Variants in REEP5 observed in about 807,000 individuals in gnomAD.
REEP5 encodes the protein receptor accessory protein 5, also known as receptor expression-enhancing protein 5.
Under a neutral mutation model 22.4 loss-of-function variants are expected in REEP5, and 24 were observed. The ratio of observed to expected loss-of-function variants is 1.07; its 90% CI spans 0.78 to 1.51. REEP5 has a LOEUF of 1.51. Ranked by LOEUF, REEP5 falls within the 40% of genes most tolerant of loss-of-function variation. The pLI is 0.00. For synonymous variants in REEP5, 103 were observed against 88.6 expected (o/e 1.16, Z -0.92); for missense variants, 252 against 233.0 (o/e 1.08, Z -0.53).
At chr5:112,918,142 C>T (rs137908603) in intron 2 of REEP5, among the ~76,000 whole-genome samples, 186 of 152,096 alleles carry the variant, frequency 1.2e-3, no homozygotes, top group Middle Eastern at 3.4e-3. Flanking sequence ...AATTAGATTC[C>T]GAATTGCCTA....
In REEP5 at chr5:112,899,437, A is replaced by G. The variant is rs1239651709; in HGVS notation, c.351+2943T>C. Among the ~76,000 whole-genome samples the G allele has an allele frequency of 2.6e-5, 4 of 152,242 alleles. No homozygotes were observed. In the East Asian group the frequency reaches 7.7e-4, roughly 29 times the overall value. ...TGGGATTACAGGCAAAAGCTAGCAC[A>G]ACTGTCCTGTATAACTTTTCATAAT... On this transcript the variant is annotated intron_variant, in intron 3 of 4. Transcript: ENST00000379638.
At chr5:112,892,694 A>G (rs765973441) in intron 3 of REEP5, 2 of 1,613,978 alleles carry the variant, frequency 1.2e-6, no homozygotes, top group Non-Finnish European at 1.7e-6. Context: ...AGAGACATCT[A>G]CTTGTCTTCA....
chr5:112,881,004 C>G (rs1291527042), intron 4 of REEP5, among the ~76,000 whole-genome samples: 1 of 151,942 alleles, frequency 6.6e-6, no homozygotes, highest in African/African-American at 2.4e-5. Flanking sequence ...TGGCCCACAC[C>G]TGTAATCACA....
At chr5:112,891,958 G>C (rs755182345) in intron 3 of REEP5, 10 of 1,237,544 alleles carry the variant, frequency 8.1e-6, no homozygotes, top group South Asian at 2.4e-5. Flanking sequence ...ATGGCTAGAA[G>C]AACAAGAGAG....
At chr5:112,892,445 C>T in intron 3 of REEP5, 1 of 1,614,118 alleles carries the variant, frequency 6.2e-7, no homozygotes, top group Non-Finnish European at 8.5e-7. Flanking sequence ...AATTTGGAAC[C>T]TCACCTGAGG....
chr5:112,883,452 C>T (rs1475641225), intron 4 of REEP5, among the ~76,000 whole-genome samples: 2 of 152,200 alleles, frequency 1.3e-5, no homozygotes, highest in African/African-American at 4.8e-5. Flanking sequence ...AGGGATACCA[C>T]ACGCTCATGG....
chr5:112,908,015 T>G (rs961984912), intron 2 of REEP5, among the ~76,000 whole-genome samples: 45 of 152,018 alleles, frequency 3.0e-4, no homozygotes, highest in African/African-American at 1.0e-3. Context: ...CCAATGAGTA[T>G]GTACTAAAAT....
At chr5:112,892,350 C>G in intron 3 of REEP5, 1 of 1,614,112 alleles carries the variant, frequency 6.2e-7, no homozygotes, top group Non-Finnish European at 8.5e-7. Context: ...AGGAAGAAAC[C>G]TACCAACAGT....
intron 3 of REEP5, among the ~76,000 whole-genome samples, chr5:112,901,795 T>C (rs1198948019): frequency 6.7e-6 from 1 of 149,806 alleles, no homozygotes; most frequent in Non-Finnish European, 1.5e-5. Flanking sequence ...CAACCCTGTC[T>C]CTACTAAAAA....
chr5:112,900,032 A>G (rs1447931296), intron 3 of REEP5, among the ~76,000 whole-genome samples: 1 of 152,198 alleles, frequency 6.6e-6, no homozygotes, highest in African/African-American at 2.4e-5. Flanking sequence ...CACCAATACC[A>G]GATATTTTCA....
intron 4 of REEP5, among the ~76,000 whole-genome samples, chr5:112,881,073 G>T (rs1438367855): frequency 7.1e-6 from 1 of 141,764 alleles, no homozygotes; most frequent in African/African-American, 2.7e-5. Flanking sequence ...AGGCTGCAGT[G>T]AGCTGAGATC....
chr5:112,909,993 G>A (rs958956398), intron 2 of REEP5, among the ~76,000 whole-genome samples: 1 of 152,126 alleles, frequency 6.6e-6, no homozygotes, highest in Non-Finnish European at 1.5e-5. Flanking sequence ...GTCAATGTAT[G>A]TTCACCAATT....
chr5:112,883,544 A>C (rs555396457), intron 4 of REEP5, among the ~76,000 whole-genome samples: 3 of 151,518 alleles, frequency 2.0e-5, no homozygotes, highest in African/African-American at 7.3e-5. Context: ...TAAACCTTAG[A>C]CTCCCCAGCG....
intron 2 of REEP5, among the ~76,000 whole-genome samples, chr5:112,915,513 T>A (rs1017598282): frequency 6.6e-6 from 1 of 152,208 alleles, no homozygotes; most frequent in Non-Finnish European, 1.5e-5. Flanking sequence ...AGCAGTAATG[T>A]TAAGTGAAAC....
chr5:112,884,612 T>C (rs1264683489), intron 4 of REEP5, among the ~76,000 whole-genome samples: 5 of 151,958 alleles, frequency 3.3e-5, no homozygotes, highest in Admixed American at 6.6e-5. Flanking sequence ...GTCTCAAACT[T>C]CTGGCCTCAA....
At chr5:112,918,411 A>G (rs1769277487) in intron 2 of REEP5, among the ~76,000 whole-genome samples, 1 of 152,162 alleles carries the variant, frequency 6.6e-6, no homozygotes, top group African/African-American at 2.4e-5. Context: ...AAAGGGAGAA[A>G]AGCTAGGAAG....
At chr5:112,892,455 G>T (rs766637353) in intron 3 of REEP5, 8 of 1,614,092 alleles carry the variant, frequency 5.0e-6, no homozygotes, top group Non-Finnish European at 6.8e-6. Context: ...CTCACCTGAG[G>T]GGCAATGTAT....
chr5:112,884,808 T>G (rs926302038), intron 4 of REEP5, among the ~76,000 whole-genome samples: 7 of 151,694 alleles, frequency 4.6e-5, no homozygotes, highest in Non-Finnish European at 7.4e-5. Flanking sequence ...CTTGCTTTAT[T>G]TTTTCCCTAT....
Position 112,922,115 on chromosome 5 carries a change from G to A in REEP5, c.76C>T (p.Leu26Phe), listed in dbSNP as rs766564435. ...KNCMTDLLAK[L>F]EAKTGVNRSF... is the part of the protein sequence containing the mutation. The stretch of plus-strand genomic sequence containing the variant: ...CTGTTCACGCCGGTTTTGGCCTCGA[G>A]CTTGGCCAGAAGGTCAGTCATGCAG... The change falls in exon 1 of 5, where the codon CTC becomes TTC. Residue 26 changes from leucine to phenylalanine, a missense_variant. Transcript: ENST00000379638. 2 of 1,605,452 alleles carry A rather than the reference G, an allele frequency of 1.2e-6. No individual in the cohort carries two copies. Among genetic ancestry groups the A allele is most frequent in the East Asian group, 2.3e-5 (1 of 43,906 alleles).
Sources: allele counts gnomAD v4.1 joint callset (sites outside exome capture counted in the v4.1 genomes callset), GRCh38; gene constraint gnomAD v4.1.1; transcripts MANE v1.5; gene names NCBI Gene and HGNC (gene_info 2026-07-23, HGNC 2026-07-21).